Variants in LHPP observed in about 807,000 individuals in gnomAD.
The protein encoded by LHPP is hLHPP.
A neutral mutation model predicts 30.3 loss-of-function variants in LHPP; 24 were observed. The observed-to-expected ratio is 0.79, with a 90% confidence interval of 0.57 to 1.11. The LOEUF is 1.11. Ranked by LOEUF, LHPP falls within the 50% of genes most tolerant of loss-of-function variation. The pLI is 0.00. For synonymous variants in LHPP, 150 were observed against 157.1 expected, an observed-to-expected ratio of 0.95 and a Z score of 0.34; for missense variants, 356 against 367.2, an observed-to-expected ratio of 0.97 and a Z score of 0.25.
intron 1 of LHPP, among the ~76,000 whole-genome samples, chr10:124,471,461 ATATTTATATATTATATATATTTATATAT>A (rs1564767835): frequency 0.022 from 86 of 3,984 alleles, 16 homozygotes; most frequent in Admixed American, 0.034. Flanking sequence ...ATATTTATAT[ATATTTATATATTATATATATTTATATAT>A]TTATATATAT....
intron 1 of LHPP, among the ~76,000 whole-genome samples, chr10:124,470,801 C>CCATTTGTTTG (rs1332286454): frequency 6.6e-6 from 1 of 152,008 alleles, no homozygotes; most frequent in Admixed American, 6.5e-5. Flanking sequence ...AGGGAGAGGG[C>CCATTTGTTTG]CATTTGTTTG....
At chr10:124,484,044 T>G in intron 1 of LHPP, 95 bp from the exon 2 acceptor site, 1 of 1,221,296 alleles carries the variant, frequency 8.2e-7, no homozygotes, top group Non-Finnish European at 1.2e-6. Flanking sequence ...GCTCTGGGCT[T>G]TGCTGGATGC....
intron 6 of LHPP, among the ~76,000 whole-genome samples, chr10:124,605,848 G>A (rs1431102058): frequency 6.6e-6 from 1 of 152,002 alleles, no homozygotes; most frequent in African/African-American, 2.4e-5. Context: ...CAGTGGAGGG[G>A]GAGGGGGAAG....
intron 6 of LHPP, among the ~76,000 whole-genome samples, chr10:124,534,134 C>T (rs1298789402): frequency 1.3e-5 from 2 of 152,188 alleles, no homozygotes; most frequent in Non-Finnish European, 2.9e-5. Context: ...AGGCCCTAGG[C>T]GTGATAAGTG....
At chr10:124,503,450 C>T (rs1275448424) in intron 5 of LHPP, among the ~76,000 whole-genome samples, 2 of 152,038 alleles carry the variant, frequency 1.3e-5, no homozygotes, top group East Asian at 3.8e-4. Context: ...CACCCCTGCT[C>T]TAGAGGTTTA....
At chr10:124,555,544 C>T (rs1426290276) in intron 6 of LHPP, among the ~76,000 whole-genome samples, 4 of 152,058 alleles carry the variant, frequency 2.6e-5, no homozygotes, top group Non-Finnish European at 4.4e-5. Flanking sequence ...TGGGAAGGGT[C>T]CCCCAGCTGT....
At chr10:124,467,710 T>TTTTTTGTTG (rs1554876637) in intron 1 of LHPP, among the ~76,000 whole-genome samples, 7 of 149,048 alleles carry the variant, frequency 4.7e-5, no homozygotes, top group South Asian at 2.1e-4. Context: ...GTGTGTGTTT[T>TTTTTTGTTG]TTGTTGTTGT....
chr10:124,492,257 C>T (rs1451465406), intron 3 of LHPP, among the ~76,000 whole-genome samples: 1 of 102,500 alleles, frequency 9.8e-6, no homozygotes, highest in Non-Finnish European at 1.9e-5. Context: ...AAAGATGTTT[C>T]AAGAAATGAA....
At chr10:124,464,840 T>C (rs1263215722) in intron 1 of LHPP, among the ~76,000 whole-genome samples, 1 of 152,202 alleles carries the variant, frequency 6.6e-6, no homozygotes, top group Non-Finnish European at 1.5e-5. Context: ...TTCTGAGAAT[T>C]TGTCCTTGTC....
intron 5 of LHPP, among the ~76,000 whole-genome samples, chr10:124,502,323 T>G (rs1350998543): frequency 6.6e-6 from 1 of 151,962 alleles, no homozygotes; most frequent in African/African-American, 2.4e-5. Flanking sequence ...AGGAGGTGTC[T>G]TCCAGAGTTC....
At chr10:124,587,814 G>T (rs1238241316) in intron 6 of LHPP, among the ~76,000 whole-genome samples, 1 of 149,982 alleles carries the variant, frequency 6.7e-6, no homozygotes, top group Non-Finnish European at 1.5e-5. Flanking sequence ...AGAAATGCTT[G>T]CTGGGCTGTC....
intron 6 of LHPP, among the ~76,000 whole-genome samples, chr10:124,577,173 A>G (rs1948674912): frequency 2.0e-5 from 3 of 152,168 alleles, no homozygotes; most frequent in Admixed American, 2.0e-4. Context: ...GAGAAGGGCC[A>G]GGTAGGCTGA....
At chr10:124,588,965 C>T (rs534207229) in intron 6 of LHPP, among the ~76,000 whole-genome samples, 2 of 152,312 alleles carry the variant, frequency 1.3e-5, no homozygotes, top group Admixed American at 6.5e-5. Flanking sequence ...CGGTGCAGCG[C>T]GGTTATTTAT....
chr10:124,545,645 AG>A (rs144690534), intron 6 of LHPP, among the ~76,000 whole-genome samples: 2,516 of 152,016 alleles, frequency 0.017, 54 homozygotes, highest in African/African-American at 0.056. Flanking sequence ...CGGGTGTGTC[AG>A]GGGGCGGGGT....
intron 3 of LHPP, chr10:124,489,949 C>G (rs1382502907): frequency 1.7e-5 from 3 of 177,012 alleles, no homozygotes; most frequent in African/African-American, 7.2e-5. Flanking sequence ...GTGGGTGTCT[C>G]TTTCTCTCTA....
At chr10:124,503,699 G>C (rs1194875011) in intron 5 of LHPP, among the ~76,000 whole-genome samples, 1 of 151,336 alleles carries the variant, frequency 6.6e-6, no homozygotes, top group Non-Finnish European at 1.5e-5. Context: ...ACCTGTCTCT[G>C]GTAGGTAGCC....
chr10:124,609,124 G>A (rs746409518), intron 6 of LHPP, among the ~76,000 whole-genome samples: 4 of 152,248 alleles, frequency 2.6e-5, no homozygotes, highest in Non-Finnish European at 5.9e-5. Flanking sequence ...GGCTCTGCCA[G>A]CTTCCATTTG....
chr10:124,598,557 G>A (rs1259618319), intron 6 of LHPP, among the ~76,000 whole-genome samples: 4 of 152,178 alleles, frequency 2.6e-5, no homozygotes, highest in South Asian at 4.1e-4. Context: ...TCTCCAGACA[G>A]TCAGGTCAGC....
At chr10:124,527,681 G>A (rs75867486) in intron 6 of LHPP, among the ~76,000 whole-genome samples, 1,929 of 152,292 alleles carry the variant, frequency 0.013, 51 homozygotes, top group African/African-American at 0.042. Flanking sequence ...CCAGCTGCCC[G>A]GAGACCCCAA....
Sources: allele counts gnomAD v4.1 joint callset (sites outside exome capture counted in the v4.1 genomes callset), GRCh38; gene constraint gnomAD v4.1.1; transcripts MANE v1.5; gene names NCBI Gene and HGNC (gene_info 2026-07-23, HGNC 2026-07-21).